The following RBFOX1 variants were observed in gnomAD, a reference collection of about 807,000 sequenced individuals.
RBFOX1 encodes the protein RNA binding fox-1 homolog 1, also known as RNA binding protein fox-1 homolog 1.
A neutral mutation model predicts 57.7 loss-of-function variants in RBFOX1; 8 were observed. The observed-to-expected ratio is 0.14, with a 90% CI of 0.08 to 0.25. RBFOX1 has a LOEUF of 0.25. Ranked by LOEUF, RBFOX1 falls within the 10% of genes least tolerant of loss-of-function variation. RBFOX1 has a pLI of 1.00. For missense variants in RBFOX1, 611 were observed against 548.5 expected (o/e 1.11, Z -1.14); for synonymous variants, 326 against 222.4 (o/e 1.47, Z -4.15).
chr16:6,993,573 A>C (rs1038102), intron 3 of RBFOX1, among the ~76,000 whole-genome samples: 116,372 of 152,114 alleles, frequency 0.77, 44,709 homozygotes, highest in African/African-American at 0.81. Context: ...TAGGGAGGCA[A>C]GAGTGGTGCT....
chr16:6,872,169 C>G (rs1005302471), intron 3 of RBFOX1, among the ~76,000 whole-genome samples: 2 of 152,118 alleles, frequency 1.3e-5, no homozygotes, highest in East Asian at 1.9e-4. Context: ...GAGAGCAGTA[C>G]TACGTCTGTC....
In RBFOX1 at chr16:7,287,848, A is replaced by G. The variant is rs552768777; in HGVS notation, c.28-230299A>G. Among the ~76,000 whole-genome samples, 5 of 152,280 alleles carry G rather than the reference A, an allele frequency of 3.3e-5. No individual in the cohort carries two copies. The South Asian group carries it at 1.0e-3, about 32-fold the overall frequency. ...CCCAATAATTATGGATTTGCATATT[A>G]CCTTCCCCCACCCATTTCGTGTGCA... On this transcript the variant is annotated intron_variant, in intron 4 of 15. Coordinates refer to ENST00000550418, the MANE Select transcript of RBFOX1 (RefSeq NM_018723.4).
At chr16:5,691,452 A>G (rs1185080560) in intron 3 of RBFOX1, among the ~76,000 whole-genome samples, 2 of 152,138 alleles carry the variant, frequency 1.3e-5, no homozygotes, top group Non-Finnish European at 2.9e-5. Context: ...GTGGTTGAAT[A>G]TTTGTTAATT....
intron 4 of RBFOX1, among the ~76,000 whole-genome samples, chr16:7,078,878 T>TA (rs1278798978): frequency 1.9e-4 from 27 of 140,000 alleles, no homozygotes; most frequent in African/African-American, 7.0e-4. Context: ...TTTTTTTTTT[T>TA]TTTTTTTTTT....
At chr16:6,613,956 A>C (rs2098107938) in intron 2 of RBFOX1, among the ~76,000 whole-genome samples, 1 of 152,180 alleles carries the variant, frequency 6.6e-6, no homozygotes, top group Admixed American at 6.5e-5. Flanking sequence ...AAAAAGAAAA[A>C]AGAAGATAGA....
chr16:5,964,929 C>T (rs749761059), intron 4 of RBFOX1, among the ~76,000 whole-genome samples: 2 of 151,868 alleles, frequency 1.3e-5, no homozygotes, highest in African/African-American at 2.4e-5. Flanking sequence ...TGTTTGCATG[C>T]GTATACACAA....
At chr16:6,408,402 A>C (rs370948094) in intron 2 of RBFOX1, among the ~76,000 whole-genome samples, 2 of 152,098 alleles carry the variant, frequency 1.3e-5, no homozygotes, top group Non-Finnish European at 2.9e-5. Context: ...CCGGGAGCCA[A>C]TGGTTAGTGT....
In RBFOX1 at chr16:6,823,250, C is replaced by G. The variant is rs1337133329; in HGVS notation, c.-16+168600C>G. On this transcript the variant is annotated intron_variant, in intron 3 of 15. Coordinates refer to ENST00000550418, the MANE Select transcript of RBFOX1 (RefSeq NM_018723.4). ...GGCCCATCTGAAATTGTTTTGTTTT[C>G]TTTTTTTTTTTTCTTTTTTTTCCCC... Among the ~76,000 whole-genome samples the G allele has an allele frequency of 3.5e-5, 5 of 144,108 alleles. No individual in the cohort carries two copies. In the East Asian group the frequency reaches 6.1e-4, roughly 17 times the overall value. The allele number at this position is 144,108 out of a possible 152,430, so 94.5% of individuals were successfully genotyped here. A position where few individuals can be genotyped will look rare whatever the true frequency, so the allele number is the denominator to read the frequency against.
rs60597828 is a variant in RBFOX1 at position 5,827,403 on chromosome 16, G to GA, written c.319-39882dup. ...TGACAGAGCAAGACTCCATCTCAGGGAAAAAAAAAAAAAAAAAAGAAAAGA... is the reference window on the plus strand; with the variant it reads ...TGACAGAGCAAGACTCCATCTCAGGGAAAAAAAAAAAAAAAAAAAGAAAAGA... On this transcript the variant is annotated intron_variant, in intron 3 of 19. Transcript: ENST00000641259. Among the ~76,000 whole-genome samples the GA allele has an allele frequency of 4.9e-4, 68 of 137,646 alleles. 1 individual carries two copies. The highest frequency in any genetic ancestry group is 1.1e-3 in the East Asian group (5 of 4,670). The allele number at this position is 137,646 out of a possible 152,430, so 90.3% of individuals were successfully genotyped here.
intron 4 of RBFOX1, among the ~76,000 whole-genome samples, chr16:7,306,941 G>A (rs755456597): frequency 4.6e-5 from 7 of 152,102 alleles, no homozygotes; most frequent in Non-Finnish European, 1.0e-4. Flanking sequence ...GCTATTATTG[G>A]ATCTCTAGCT....
chr16:5,553,970 CT>C (rs36068724), intron 2 of RBFOX1, among the ~76,000 whole-genome samples: 86,563 of 133,356 alleles, frequency 0.65, 28,223 homozygotes, highest in South Asian at 0.83. Context: ...AACACGTATT[CT>C]TTTTTTTTTT....
intron 3 of RBFOX1, among the ~76,000 whole-genome samples, chr16:6,755,820 A>G (rs146476706): frequency 2.0e-5 from 3 of 152,106 alleles, no homozygotes; most frequent in East Asian, 1.9e-4. Context: ...GAGCGATTAT[A>G]CTTAAAGTAA....
At chr16:7,465,038 T>C (rs1371647200) in intron 4 of RBFOX1, among the ~76,000 whole-genome samples, 1 of 151,986 alleles carries the variant, frequency 6.6e-6, no homozygotes, top group East Asian at 1.9e-4. Flanking sequence ...TAAGCTAGCA[T>C]GTTACCTCTT....
intron 4 of RBFOX1, among the ~76,000 whole-genome samples, chr16:7,441,814 G>C (rs2098769835): frequency 6.6e-6 from 1 of 152,120 alleles, no homozygotes; most frequent in Non-Finnish European, 1.5e-5. Flanking sequence ...CTCTTACTCA[G>C]GACTCACCTT....
chr16:7,321,071 C>CTATACATATACATATACA (rs1555708875), intron 4 of RBFOX1, among the ~76,000 whole-genome samples: 35 of 72,846 alleles, frequency 4.8e-4, no homozygotes, highest in Admixed American at 2.7e-3. Context: ...ATCTGTCTAT[C>CTATACATATACATATACA]TATACGTATA....
At chr16:5,810,147 G>T (rs943419736) in intron 3 of RBFOX1, among the ~76,000 whole-genome samples, 1 of 150,234 alleles carries the variant, frequency 6.7e-6, no homozygotes, top group South Asian at 2.1e-4. Flanking sequence ...GACACAGGAA[G>T]GGGAACATCA....
chr16:7,474,446 G>T (rs1230495807), intron 4 of RBFOX1, among the ~76,000 whole-genome samples: 106 of 152,286 alleles, frequency 7.0e-4, no homozygotes, highest in African/African-American at 2.5e-3. Flanking sequence ...TTACAATTAA[G>T]GATAACATCT....
At chr16:6,824,983 G>GGTTTTTTTTTT (rs2091913965) in intron 3 of RBFOX1, among the ~76,000 whole-genome samples, 2 of 36,878 alleles carry the variant, frequency 5.4e-5, no homozygotes, top group Non-Finnish European at 1.2e-4. Flanking sequence ...TTCTTTCTTG[G>GGTTTTTTTTTT]TTTTTTTTTT....
At chr16:5,344,844 G>T (rs551380798) in intron 1 of RBFOX1, among the ~76,000 whole-genome samples, 4 of 152,330 alleles carry the variant, frequency 2.6e-5, no homozygotes, top group Non-Finnish European at 1.5e-5. Context: ...GGTCATTTCA[G>T]GTCTCATCAT....
Sources: gnomAD v4.1 joint callset for allele counts (sites outside exome capture counted in the v4.1 genomes callset) on GRCh38, gnomAD v4.1.1 for gene constraint, MANE v1.5 for transcripts, NCBI Gene and HGNC (gene_info 2026-07-23, HGNC 2026-07-21) for gene names.